TXNRD1: variants seen among roughly 807,000 people sequenced by gnomAD.
TXNRD1 encodes the protein thioredoxin reductase 1, cytoplasmic.
TXNRD1 carries 57 observed loss-of-function variants against 80.3 expected under a neutral mutation model. The observed-to-expected ratio is 0.71, with a 90% CI of 0.57 to 0.89. The LOEUF (loss-of-function observed/expected upper bound fraction) is 0.89, where lower values mean the gene tolerates loss of function less well. Among genes scored for constraint, TXNRD1 ranks in the 40% least tolerant of loss-of-function variants. TXNRD1 has a pLI of 0.00. For synonymous variants in TXNRD1, 291 were observed against 285.2 expected, an observed-to-expected ratio of 1.02 and a Z score of -0.20; for missense variants, 730 against 803.0, an observed-to-expected ratio of 0.91 and a Z score of 1.10.
intron 1 of TXNRD1, among the ~76,000 whole-genome samples, chr12:104,226,767 TA>T (rs1430613866): frequency 1.3e-5 from 2 of 152,142 alleles, no homozygotes; most frequent in African/African-American, 4.8e-5. Context: ...ATTAGGCCCG[TA>T]AATGCGTAGA....
At chr12:104,241,496 A>G (rs974307111) in intron 1 of TXNRD1, among the ~76,000 whole-genome samples, 27 of 151,726 alleles carry the variant, frequency 1.8e-4, no homozygotes, top group African/African-American at 6.1e-4. Flanking sequence ...TCAGCCTCCC[A>G]AGTAGCTGGG....
At chr12:104,246,161 C>T (rs988631604) in intron 1 of TXNRD1, among the ~76,000 whole-genome samples, 1 of 141,546 alleles carries the variant, frequency 7.1e-6, no homozygotes, top group Non-Finnish European at 1.5e-5. Context: ...GGCACAGTGG[C>T]TCACACCTGT....
At chr12:104,342,927 C>T (rs751225068) in intron 16 of TXNRD1, among the ~76,000 whole-genome samples, 21 of 152,024 alleles carry the variant, frequency 1.4e-4, no homozygotes, top group Non-Finnish European at 2.9e-4. Flanking sequence ...GGAGGTGTGG[C>T]AGTGGAAATG....
intron 4 of TXNRD1, chr12:104,303,962 G>T: frequency 6.2e-7 from 1 of 1,602,338 alleles, no homozygotes; most frequent in Non-Finnish European, 8.5e-7. Flanking sequence ...AGTGAGGGCC[G>T]CGGGCTGCTC....
At chr12:104,335,888 A>T (rs754082836) in intron 15 of TXNRD1, among the ~76,000 whole-genome samples, 1 of 152,244 alleles carries the variant, frequency 6.6e-6, no homozygotes, top group Non-Finnish European at 1.5e-5. Context: ...TGGTAAAACC[A>T]AGGGTTTTAG....
At chr12:104,307,534 C>G (rs1457446725) in intron 4 of TXNRD1, among the ~76,000 whole-genome samples, 1 of 152,220 alleles carries the variant, frequency 6.6e-6, no homozygotes, top group Non-Finnish European at 1.5e-5. Flanking sequence ...AACCTGTTAG[C>G]TTCGTTAAGG....
At chr12:104,266,003 ATTTGCCTATTGGAGAGG>A (rs2033479115) in intron 3 of TXNRD1, among the ~76,000 whole-genome samples, 1 of 151,298 alleles carries the variant, frequency 6.6e-6, no homozygotes, top group Non-Finnish European at 1.5e-5. Context: ...AAAAATCATT[ATTTGCCTATTGGAGAGG>A]TAAAAACAGA....
intron 16 of TXNRD1, 32 bp from the exon 17 acceptor site, chr12:104,348,320 TC>T: frequency 6.2e-7 from 1 of 1,610,928 alleles, no homozygotes; most frequent in South Asian, 1.1e-5. Context: ...TGCTCAGGCA[TC>T]TGAAGATGTT....
chr12:104,273,795 T>G (rs1020502542), intron 3 of TXNRD1, among the ~76,000 whole-genome samples: 5 of 152,150 alleles, frequency 3.3e-5, no homozygotes, highest in Non-Finnish European at 1.5e-5. Flanking sequence ...CCCAAAGCAA[T>G]AGTCAGCTGG....
intron 15 of TXNRD1, among the ~76,000 whole-genome samples, chr12:104,338,384 G>A (rs2036211028): frequency 1.3e-5 from 2 of 151,658 alleles, no homozygotes; most frequent in Admixed American, 1.3e-4. Flanking sequence ...GTAGCTGTTA[G>A]CAGCAGTCAT....
chr12:104,225,006 A>G (rs764204007), intron 1 of TXNRD1: 2 of 415,796 alleles, frequency 4.8e-6, no homozygotes, highest in African/African-American at 2.1e-5. Flanking sequence ...AGTTTTTTTG[A>G]AAGAGGGGAT....
At chr12:104,330,758 T>G (rs2035921561) in intron 13 of TXNRD1, among the ~76,000 whole-genome samples, 1 of 152,032 alleles carries the variant, frequency 6.6e-6, no homozygotes, top group South Asian at 2.1e-4. Context: ...AGCTAATTTT[T>G]GTATTTTTTA....
chr12:104,294,242 C>CG (rs1486003212), intron 4 of TXNRD1, among the ~76,000 whole-genome samples: 2 of 119,148 alleles, frequency 1.7e-5, no homozygotes, highest in South Asian at 3.5e-4. Context: ...GGCCCCCCCC[C>CG]CCGCCGCCGG....
At chr12:104,287,134 A>G in intron 3 of TXNRD1, 1 of 1,519,716 alleles carries the variant, frequency 6.6e-7, no homozygotes, top group South Asian at 1.3e-5. Flanking sequence ...GGGTGAAACC[A>G]GACAAAGCCG....
At chr12:104,252,983 T>C (rs1028308902) in intron 2 of TXNRD1, among the ~76,000 whole-genome samples, 1 of 151,892 alleles carries the variant, frequency 6.6e-6, no homozygotes, top group Non-Finnish European at 1.5e-5. Context: ...ATTACAGGCG[T>C]GAGCCACCGC....
chr12:104,308,474 A>T (rs188850523), intron 4 of TXNRD1, among the ~76,000 whole-genome samples: 9 of 152,268 alleles, frequency 5.9e-5, no homozygotes, highest in East Asian at 1.9e-4. Flanking sequence ...AAAATTTTTT[A>T]AAATAAAAAT....
intron 3 of TXNRD1, among the ~76,000 whole-genome samples, chr12:104,267,704 TCTTTCTTTCTTTCTTTC>T (rs2033554614): frequency 8.0e-5 from 2 of 24,902 alleles, no homozygotes; most frequent in Non-Finnish European, 1.7e-4. Context: ...TTTCTTTCTC[TCTTTCTTTCTTTCTTTC>T]TCTTTCTTTC....
At chr12:104,345,885 C>T (rs1217923269) in intron 16 of TXNRD1, 7 of 1,087,864 alleles carry the variant, frequency 6.4e-6, no homozygotes, top group Admixed American at 2.4e-5. Context: ...GCTCCTGACC[C>T]TTGTACGAGT....
At chr12:104,225,224 G>T (rs2032445506) in intron 1 of TXNRD1, among the ~76,000 whole-genome samples, 1 of 152,180 alleles carries the variant, frequency 6.6e-6, no homozygotes, top group Non-Finnish European at 1.5e-5. Flanking sequence ...TCCAGGTACT[G>T]TGCTGAGTGC....
Sources: allele counts gnomAD v4.1 joint callset (sites outside exome capture counted in the v4.1 genomes callset), GRCh38; gene constraint gnomAD v4.1.1; transcripts MANE v1.5; gene names NCBI Gene and HGNC (gene_info 2026-07-23, HGNC 2026-07-21).